Variants in TIAM1 observed in about 807,000 individuals in gnomAD.
TIAM1 encodes rho guanine nucleotide exchange factor TIAM1.
Under a neutral mutation model 163.5 loss-of-function variants are expected in TIAM1, and 65 were observed. The observed-to-expected ratio is 0.40, with a 90% CI of 0.33 to 0.49. The LOEUF is 0.49. TIAM1 is among the 20% of genes least tolerant of loss of function. TIAM1 has a pLI of 0.77. For missense variants in TIAM1, 1,789 were observed against 2,044.7 expected, an observed-to-expected ratio of 0.87 and a Z score of 2.41; for synonymous variants, 833 against 810.1, an observed-to-expected ratio of 1.03 and a Z score of -0.48.
intron 1 of TIAM1, among the ~76,000 whole-genome samples, chr21:31,487,718 C>T (rs1049573576): frequency 2.1e-3 from 325 of 151,852 alleles, no homozygotes; most frequent in African/African-American, 7.2e-3. Flanking sequence ...CCACCGCGCC[C>T]GGCTAATTTT....
chr21:31,330,061 C>T (rs845958), intron 2 of TIAM1, among the ~76,000 whole-genome samples: 54,560 of 151,972 alleles, frequency 0.36, 10,349 homozygotes, highest in African/African-American at 0.45. Context: ...GTCCATAGTT[C>T]ACATTAGGGT....
chr21:31,169,243 A>C (rs2084390010), intron 15 of TIAM1, among the ~76,000 whole-genome samples: 1 of 152,208 alleles, frequency 6.6e-6, no homozygotes, highest in Non-Finnish European at 1.5e-5. Flanking sequence ...GCAGTGAGCC[A>C]AGATCGCACC....
chr21:31,252,304 T>C, intron 4 of TIAM1, 115 bp from the exon 5 acceptor site: 1 of 1,146,694 alleles, frequency 8.7e-7, no homozygotes, highest in Non-Finnish European at 1.2e-6. Flanking sequence ...GGGATACGCA[T>C]AAGGCACAGC....
intron 2 of TIAM1, among the ~76,000 whole-genome samples, chr21:31,323,218 G>A (rs1026742656): frequency 4.0e-5 from 6 of 151,704 alleles, no homozygotes; most frequent in African/African-American, 1.5e-4. Context: ...AACCCGGGAG[G>A]CGGAGCTTGC....
intron 2 of TIAM1, among the ~76,000 whole-genome samples, chr21:31,413,593 C>T (rs1399386759): frequency 6.6e-6 from 1 of 152,102 alleles, no homozygotes; most frequent in East Asian, 1.9e-4. Context: ...TTTCATTGCA[C>T]TCCATTCTCC....
chr21:31,337,716 A>G (rs953450807), intron 2 of TIAM1, among the ~76,000 whole-genome samples: 9 of 151,842 alleles, frequency 5.9e-5, no homozygotes, highest in Admixed American at 6.6e-5. Flanking sequence ...ATTTTAGTAG[A>G]GACAGGGTTT....
At chr21:31,438,027 C>A (rs1231241818) in intron 2 of TIAM1, among the ~76,000 whole-genome samples, 1 of 152,022 alleles carries the variant, frequency 6.6e-6, no homozygotes, top group Non-Finnish European at 1.5e-5. Flanking sequence ...AGAGGTTAAC[C>A]CTTCCAAGAT....
At chr21:31,520,223 C>A (rs1046658628) in intron 1 of TIAM1, among the ~76,000 whole-genome samples, 1 of 151,424 alleles carries the variant, frequency 6.6e-6, no homozygotes, top group East Asian at 1.9e-4. Flanking sequence ...CCAAGCTACT[C>A]GGGAGGCTGG....
intron 2 of TIAM1, among the ~76,000 whole-genome samples, chr21:31,349,926 C>G (rs780521307): frequency 1.3e-5 from 2 of 152,208 alleles, no homozygotes; most frequent in Admixed American, 6.5e-5. Context: ...TGGGCACATG[C>G]CCAACACTGT....
At chr21:31,282,560 G>A (rs1038053931) in intron 2 of TIAM1, among the ~76,000 whole-genome samples, 2 of 152,240 alleles carry the variant, frequency 1.3e-5, no homozygotes, top group Non-Finnish European at 2.9e-5. Context: ...CCCATCTGGT[G>A]TAAAGCCACT....
chr21:31,510,827 AC>A (rs969371357), intron 1 of TIAM1, among the ~76,000 whole-genome samples: 3 of 147,836 alleles, frequency 2.0e-5, no homozygotes, highest in African/African-American at 5.0e-5. Context: ...AAAAAAAAAA[AC>A]AAAAAAAACT....
rs1049691711 is a variant in TIAM1, at chr21:31,210,025, A to C, written c.2388+20T>G. Reference sequence around the variant, plus strand: ...CCCATTCTGCTCTTCTTGGAGAAACAACCCAAAGCAGCTCCATACCTTGCA... The same window carrying C: ...CCCATTCTGCTCTTCTTGGAGAAACCACCCAAAGCAGCTCCATACCTTGCA... On this transcript the variant is annotated intron_variant, in intron 11 of 27. Transcript: ENST00000541036. 4.4e-6 allele frequency: 7 copies of C among 1,602,946 alleles called. No individual in the cohort carries two copies. The highest frequency in any genetic ancestry group is 6.0e-6 in the Non-Finnish European group (7 of 1,174,918).
intron 2 of TIAM1, among the ~76,000 whole-genome samples, chr21:31,419,439 T>TCCTC (rs1189286487): frequency 1.3e-5 from 2 of 152,094 alleles, no homozygotes; most frequent in East Asian, 3.9e-4. Flanking sequence ...TTAAATGCCA[T>TCCTC]CCTCCCCAAG....
chr21:31,512,998 A>T (rs2047264294), intron 1 of TIAM1, among the ~76,000 whole-genome samples: 1 of 152,176 alleles, frequency 6.6e-6, no homozygotes, highest in Non-Finnish European at 1.5e-5. Context: ...AATAAACAAT[A>T]TGAGACTGGA....
intron 15 of TIAM1, among the ~76,000 whole-genome samples, chr21:31,171,062 A>C (rs56026457): frequency 0.6 from 71,397 of 119,004 alleles, 24,239 homozygotes; most frequent in Non-Finnish European, 0.77. Context: ...AAAAAAAAAA[A>C]TTGGGGGCCA....
At chr21:31,511,854 A>G (rs540981675) in intron 1 of TIAM1, among the ~76,000 whole-genome samples, 1 of 152,338 alleles carries the variant, frequency 6.6e-6, no homozygotes, top group African/African-American at 2.4e-5. Context: ...GAAAAATATT[A>G]TAACAACAAA....
intron 15 of TIAM1, among the ~76,000 whole-genome samples, chr21:31,177,464 G>A (rs766717772): frequency 5.3e-5 from 8 of 152,150 alleles, no homozygotes; most frequent in Admixed American, 2.6e-4. Flanking sequence ...AAATTTAGCC[G>A]GGCGTGGTGG....
chr21:31,309,759 A>G (rs973572720), intron 2 of TIAM1, among the ~76,000 whole-genome samples: 21 of 152,240 alleles, frequency 1.4e-4, no homozygotes, highest in African/African-American at 4.8e-4. Flanking sequence ...ATAAGAAACT[A>G]TATGAAAAAC....
intron 2 of TIAM1, among the ~76,000 whole-genome samples, chr21:31,397,729 C>T (rs1196658216): frequency 6.6e-6 from 1 of 152,144 alleles, no homozygotes; most frequent in African/African-American, 2.4e-5. Context: ...TAAAACAAAC[C>T]TCTCTATACA....
Sources: allele counts gnomAD v4.1 joint callset (sites outside exome capture counted in the v4.1 genomes callset), GRCh38; gene constraint gnomAD v4.1.1; transcripts MANE v1.5; gene names NCBI Gene and HGNC (gene_info 2026-07-23, HGNC 2026-07-21).